The following FUT9 variants were observed in gnomAD, a reference collection of about 807,000 sequenced individuals.
FUT9 encodes 4-galactosyl-N-acetylglucosaminide 3-alpha-L-fucosyltransferase 9.
In FUT9, 15 loss-of-function variants were observed where a neutral mutation model predicts 29.7. That is an observed-to-expected ratio of 0.51 (90% CI 0.34 to 0.78). The LOEUF is 0.78. FUT9 is among the 30% of genes least tolerant of loss of function. The pLI is 0.01. For synonymous variants in FUT9, 169 were observed against 153.7 expected (o/e 1.10, Z -0.74); for missense variants, 319 against 425.4 (o/e 0.75, Z 2.20).
intron 1 of FUT9, among the ~76,000 whole-genome samples, chr6:96,042,443 C>A (rs1299231302): frequency 6.6e-6 from 1 of 151,952 alleles, no homozygotes; most frequent in African/African-American, 2.4e-5. Flanking sequence ...TAAAATGTGC[C>A]CACTACCTAA....
In FUT9 at chr6:96,205,282, G is replaced by C. The variant is rs531581272; in HGVS notation, c.*1047G>C. The C allele has an allele frequency of 9.0e-4, 150 of 166,984 alleles. No homozygotes were observed. The highest frequency in any genetic ancestry group is 3.4e-3 in the African/African-American group (141 of 41,522). The allele number at this position is 166,984 out of a possible 1,614,324, so 10.3% of individuals were successfully genotyped here. ...ATCATCAAGGTATTAAATATAAGAC[G>C]TTAAATATAATAAAGTGGGGATATA... is the stretch of plus-strand genomic sequence containing the variant. On this transcript the variant is annotated 3_prime_UTR_variant, in exon 3 of 3. Transcript: ENST00000302103.
chr6:96,187,345 C>T (rs1773423200), intron 2 of FUT9, among the ~76,000 whole-genome samples: 1 of 152,106 alleles, frequency 6.6e-6, no homozygotes, highest in Admixed American at 6.6e-5. Context: ...GCCAGACTGG[C>T]AACTGCAGAG....
chr6:96,154,979 C>T (rs1772748871), intron 2 of FUT9, among the ~76,000 whole-genome samples: 1 of 152,182 alleles, frequency 6.6e-6, no homozygotes, highest in Non-Finnish European at 1.5e-5. Flanking sequence ...GCTGAGGAGG[C>T]AATGACAGTC....
chr6:96,022,998 A>C (rs1770101507), intron 1 of FUT9, among the ~76,000 whole-genome samples: 1 of 151,912 alleles, frequency 6.6e-6, no homozygotes, highest in Non-Finnish European at 1.5e-5. Flanking sequence ...GGTAGCTCAC[A>C]GGTTAATTAG....
chr6:96,154,597 T>G (rs1481425762), intron 2 of FUT9, among the ~76,000 whole-genome samples: 1 of 152,186 alleles, frequency 6.6e-6, no homozygotes, highest in Non-Finnish European at 1.5e-5. Context: ...AGTCACTCAG[T>G]TTTTTACAAT....
intron 2 of FUT9, among the ~76,000 whole-genome samples, chr6:96,114,663 A>T (rs1051266799): frequency 3.3e-5 from 5 of 151,728 alleles, no homozygotes; most frequent in Non-Finnish European, 7.4e-5. Flanking sequence ...AGTTAAATAA[A>T]AAAAGAAAAG....
At chr6:96,031,970 C>A (rs1770270133) in intron 1 of FUT9, among the ~76,000 whole-genome samples, 1 of 151,516 alleles carries the variant, frequency 6.6e-6, no homozygotes, top group African/African-American at 2.4e-5. Context: ...CTATGGCTTT[C>A]CAGTTTGCAG....
intron 1 of FUT9, among the ~76,000 whole-genome samples, chr6:96,101,276 TG>T (rs1194096408): frequency 1.3e-5 from 2 of 152,132 alleles, no homozygotes; most frequent in African/African-American, 4.8e-5. Flanking sequence ...CGGTGGCTCA[TG>T]CCCATAATCC....
At chr6:96,153,723 T>G (rs1461531244) in intron 2 of FUT9, among the ~76,000 whole-genome samples, 3 of 152,208 alleles carry the variant, frequency 2.0e-5, no homozygotes, top group African/African-American at 7.2e-5. Flanking sequence ...CTCTCATTTA[T>G]CACTTTGTCA....
At chr6:96,094,942 T>C (rs190245447) in intron 1 of FUT9, among the ~76,000 whole-genome samples, 2 of 152,180 alleles carry the variant, frequency 1.3e-5, no homozygotes, top group East Asian at 3.9e-4. Flanking sequence ...GGTGCACCCA[T>C]CTCCTGAGCA....
chr6:96,125,861 T>C (rs1772124228), intron 2 of FUT9, among the ~76,000 whole-genome samples: 2 of 152,238 alleles, frequency 1.3e-5, no homozygotes, highest in African/African-American at 2.4e-5. Flanking sequence ...ATTTTCATTA[T>C]AGCTGCTTTC....
chr6:96,044,172 C>T (rs939487075), intron 1 of FUT9, among the ~76,000 whole-genome samples: 12 of 152,208 alleles, frequency 7.9e-5, no homozygotes, highest in Admixed American at 5.2e-4. Flanking sequence ...CATATGTGTA[C>T]AAATGAAAGC....
intron 2 of FUT9, among the ~76,000 whole-genome samples, chr6:96,122,963 G>A (rs12213486): frequency 0.14 from 21,203 of 149,400 alleles, 1,718 homozygotes; most frequent in Non-Finnish European, 0.16. Context: ...GGGAGGCTGA[G>A]GCAGAAGAAT....
intron 1 of FUT9, among the ~76,000 whole-genome samples, chr6:96,059,326 CATCTTG>C: frequency 6.6e-6 from 1 of 152,280 alleles, no homozygotes; most frequent in South Asian, 2.1e-4. Flanking sequence ...CTCATTTCTC[CATCTTG>C]ATCTGTGCTG....
At chr6:96,200,187 T>A (rs1302985414) in intron 2 of FUT9, among the ~76,000 whole-genome samples, 1 of 152,112 alleles carries the variant, frequency 6.6e-6, no homozygotes, top group Admixed American at 6.6e-5. Flanking sequence ...CTCAGATCAG[T>A]GTTTGACACT....
chr6:96,051,956 A>C (rs1459109581), intron 1 of FUT9, among the ~76,000 whole-genome samples: 3 of 152,062 alleles, frequency 2.0e-5, no homozygotes, highest in African/African-American at 7.2e-5. Flanking sequence ...TTGGATTGGG[A>C]AGTATATTAG....
chr6:96,178,636 T>G (rs773015666), intron 2 of FUT9, among the ~76,000 whole-genome samples: 3 of 152,156 alleles, frequency 2.0e-5, no homozygotes, highest in Non-Finnish European at 4.4e-5. Flanking sequence ...AATTATTAGT[T>G]AAAGAGAAAC....
intron 2 of FUT9, among the ~76,000 whole-genome samples, chr6:96,132,126 C>A (rs565898773): frequency 6.6e-6 from 1 of 152,106 alleles, no homozygotes; most frequent in South Asian, 2.1e-4. Context: ...CTCATCCTAA[C>A]ATTTACATCA....
chr6:96,030,091 G>A (rs757731927), intron 1 of FUT9, among the ~76,000 whole-genome samples: 41 of 151,500 alleles, frequency 2.7e-4, no homozygotes, highest in Admixed American at 4.6e-4. Context: ...AGAATGAGTC[G>A]AAATCAGTAA....
Sources: allele counts gnomAD v4.1 joint callset (sites outside exome capture counted in the v4.1 genomes callset), GRCh38; gene constraint gnomAD v4.1.1; transcripts MANE v1.5; gene names NCBI Gene and HGNC (gene_info 2026-07-23, HGNC 2026-07-21).